SPMIP7: variants seen among roughly 807,000 people sequenced by gnomAD.
SPMIP7 encodes the protein sperm microtubule inner protein 7.
chr7:50,156,701 CT>C, the SPMIP7 span, among the ~76,000 whole-genome samples: 1 of 152,006 alleles, frequency 6.6e-6, no homozygotes, highest in African/African-American at 2.4e-5. Context: ...CACACTCTTA[CT>C]TTTCTAAAAT....
chr7:50,140,589 G>T, the SPMIP7 span, among the ~76,000 whole-genome samples: 3 of 152,160 alleles, frequency 2.0e-5, no homozygotes, highest in Admixed American at 2.0e-4. Context: ...TACATTTAAT[G>T]CCGGCTTTCC....
the SPMIP7 span, among the ~76,000 whole-genome samples, chr7:50,139,056 A>C: frequency 6.6e-6 from 1 of 152,164 alleles, no homozygotes; most frequent in Non-Finnish European, 1.5e-5. Context: ...ATATTTAAAA[A>C]TTTAACATTA....
chr7:50,131,789 T>C, the SPMIP7 span, among the ~76,000 whole-genome samples: 10 of 151,962 alleles, frequency 6.6e-5, no homozygotes, highest in African/African-American at 2.4e-4. Flanking sequence ...GGCTGACTAG[T>C]GGATTTAGAA....
the SPMIP7 span, among the ~76,000 whole-genome samples, chr7:50,102,100 G>A: frequency 6.6e-6 from 1 of 152,194 alleles, no homozygotes; most frequent in Admixed American, 6.5e-5. Flanking sequence ...GAGGCAGGCG[G>A]ATTATCTGAG....
At chr7:50,108,215 T>A in the SPMIP7 span, among the ~76,000 whole-genome samples, 1 of 152,180 alleles carries the variant, frequency 6.6e-6, no homozygotes, top group African/African-American at 2.4e-5. Flanking sequence ...GTCCCTTCTC[T>A]ATGAAATAGT....
At chr7:50,119,832 A>G in the SPMIP7 span, among the ~76,000 whole-genome samples, 1 of 152,222 alleles carries the variant, frequency 6.6e-6, no homozygotes, top group South Asian at 2.1e-4. Flanking sequence ...TGCTTGTATG[A>G]TGTCGCTGGA....
the SPMIP7 span, among the ~76,000 whole-genome samples, chr7:50,103,673 G>A: frequency 9.2e-5 from 14 of 152,160 alleles, no homozygotes; most frequent in South Asian, 2.7e-3. Context: ...TAATTGTCAA[G>A]ATTATAACAA....
chr7:50,129,572 A>G, the SPMIP7 span: 11 of 607,942 alleles, frequency 1.8e-5, no homozygotes, highest in Middle Eastern at 9.0e-4. Flanking sequence ...AAAAGTAGGG[A>G]AGCATTAAAT....
chr7:50,130,709 G>A, the SPMIP7 span, among the ~76,000 whole-genome samples: 3 of 151,996 alleles, frequency 2.0e-5, no homozygotes, highest in African/African-American at 4.8e-5. Context: ...ATAAGTAGGA[G>A]GTGTGGGGAG....
the SPMIP7 span, chr7:50,142,401 T>C: frequency 6.6e-6 from 1 of 152,222 alleles, no homozygotes; most frequent in East Asian, 1.9e-4. Flanking sequence ...TTTGGGCATA[T>C]AGCATTCCTG....
the SPMIP7 span, among the ~76,000 whole-genome samples, chr7:50,155,015 GC>G: frequency 6.6e-6 from 1 of 152,138 alleles, no homozygotes; most frequent in African/African-American, 2.4e-5. Flanking sequence ...CAGGTCCTTT[GC>G]CCATTTTTTA....
At chr7:50,148,759 A>T in the SPMIP7 span, among the ~76,000 whole-genome samples, 1 of 152,162 alleles carries the variant, frequency 6.6e-6, no homozygotes, top group East Asian at 1.9e-4. Flanking sequence ...TGGCTGTAAA[A>T]CAGAGGCTCC....
the SPMIP7 span, among the ~76,000 whole-genome samples, chr7:50,112,124 G>T: frequency 6.6e-6 from 1 of 151,504 alleles, no homozygotes; most frequent in African/African-American, 2.4e-5. Context: ...TGGTGCAAAG[G>T]AAAAACAGAG....
the SPMIP7 span, among the ~76,000 whole-genome samples, chr7:50,125,094 G>GTATATATATATA: frequency 3.1e-3 from 228 of 73,788 alleles, 23 homozygotes; most frequent in Non-Finnish European, 4.0e-3. Flanking sequence ...GTGAGATTAA[G>GTATATATATATA]TATATATATA....
chr7:50,152,072 G>A, the SPMIP7 span, among the ~76,000 whole-genome samples: 1 of 152,216 alleles, frequency 6.6e-6, no homozygotes, highest in Non-Finnish European at 1.5e-5. Context: ...ATGTGGCCAG[G>A]CATGGTGGCT....
chr7:50,133,956 G>A, the SPMIP7 span, among the ~76,000 whole-genome samples: 3 of 152,064 alleles, frequency 2.0e-5, no homozygotes, highest in Non-Finnish European at 4.4e-5. Flanking sequence ...TCTGCCTACT[G>A]TCCAGGGGAG....
the SPMIP7 span, among the ~76,000 whole-genome samples, chr7:50,145,238 G>A: frequency 6.6e-6 from 1 of 151,668 alleles, no homozygotes; most frequent in African/African-American, 2.4e-5. Context: ...ACTCCAGCCT[G>A]GGTGACAGAG....
chr7:50,096,110 C>G, the SPMIP7 span: 3 of 1,515,534 alleles, frequency 2.0e-6, no homozygotes, highest in Middle Eastern at 3.4e-4. Context: ...TCAGGACACA[C>G]CTGGAAAGAT....
the SPMIP7 span, chr7:50,104,427 G>T: frequency 1.5e-6 from 2 of 1,293,704 alleles, no homozygotes; most frequent in South Asian, 1.6e-5. Context: ...ATTTTCTTCT[G>T]GGTGGTGTTA....
Sources: allele counts gnomAD v4.1 joint callset (sites outside exome capture counted in the v4.1 genomes callset), GRCh38; gene constraint gnomAD v4.1.1; transcripts MANE v1.5; gene names NCBI Gene and HGNC (gene_info 2026-07-23, HGNC 2026-07-21).